Variants in LARP6 observed in about 807,000 individuals in gnomAD.
LARP6 encodes La ribonucleoprotein 6, translational regulator.
Under a neutral mutation model 32.8 loss-of-function variants are expected in LARP6, and 18 were observed. The ratio of observed to expected loss-of-function variants is 0.55; its 90% CI spans 0.38 to 0.81. LARP6 has a LOEUF of 0.81. Among genes scored for constraint, LARP6 ranks in the 40% least tolerant of loss-of-function variants. LARP6 has a pLI of 0.00. For synonymous variants in LARP6, 289 were observed against 267.2 expected, an observed-to-expected ratio of 1.08 and a Z score of -0.80; for missense variants, 598 against 663.1, an observed-to-expected ratio of 0.90 and a Z score of 1.08.
chr15:70,851,415 T>C, intron 1 of LARP6: 1 of 1,192,338 alleles, frequency 8.4e-7, no homozygotes, highest in Non-Finnish European at 1.1e-6. Flanking sequence ...TGTGGGGAGA[T>C]GATCAATAAC....
intron 1 of LARP6, among the ~76,000 whole-genome samples, chr15:70,843,409 C>T (rs2141054822): frequency 6.6e-6 from 1 of 152,282 alleles, no homozygotes. Context: ...TTCCACCTTT[C>T]CTCCCTAGAG....
chr15:70,832,225 T>G lies in LARP6; in HGVS notation c.1303A>C (p.Arg435=), dbSNP rs766045440. The change falls in exon 3 of 3, where the codon AGG becomes CGG. Residue 435 remains arginine, a synonymous_variant. Transcript: ENST00000299213. ...VTPSGSPWVR[R]RRQAEMGTQE... is the part of the protein sequence containing the mutation. ...GTCCCCATCTCGGCTTGGCGACGCC[T>G]CCGGACCCAGGGGCTGCCAGAGGGA... 79 of 1,614,118 alleles carry G rather than the reference T, an allele frequency of 4.9e-5. No homozygotes were observed. The Middle Eastern group carries it at 6.6e-4, about 13-fold the overall frequency.
chr15:70,840,357 T>C (rs2032230157), intron 1 of LARP6, among the ~76,000 whole-genome samples: 1 of 152,084 alleles, frequency 6.6e-6, no homozygotes. Flanking sequence ...CTGGCCAACA[T>C]GGTGAAACCC....
intron 1 of LARP6, among the ~76,000 whole-genome samples, chr15:70,839,952 T>C (rs1202266618): frequency 6.6e-6 from 1 of 152,188 alleles, no homozygotes; most frequent in Non-Finnish European, 1.5e-5. Flanking sequence ...TTATTGGCCC[T>C]GACATGATTG....
intron 1 of LARP6, chr15:70,853,216 C>G (rs550729356): frequency 9.7e-6 from 1 of 102,910 alleles, no homozygotes; most frequent in Admixed American, 8.9e-5. Flanking sequence ...CCAGGAACAC[C>G]CCCCCCCCGC....
At chr15:70,843,974 T>C (rs190109958) in intron 1 of LARP6, among the ~76,000 whole-genome samples, 2,369 of 149,524 alleles carry the variant, frequency 0.016, 67 homozygotes, top group African/African-American at 0.056. Flanking sequence ...TTTTTTTTTT[T>C]TTAAGACAGT....
At chr15:70,852,520 T>C (rs1300988676) in intron 1 of LARP6, among the ~76,000 whole-genome samples, 1 of 152,070 alleles carries the variant, frequency 6.6e-6, no homozygotes, top group Non-Finnish European at 1.5e-5. Context: ...CACAGGAAAA[T>C]AAAGTTATAA....
chr15:70,847,236 G>A (rs899192750), intron 1 of LARP6, among the ~76,000 whole-genome samples: 6 of 152,076 alleles, frequency 3.9e-5, no homozygotes, highest in Non-Finnish European at 7.4e-5. Context: ...GTTTTGCTTT[G>A]TTTTGTTTTT....
chr15:70,847,080 G>T (rs1350147419), intron 1 of LARP6, among the ~76,000 whole-genome samples: 3 of 152,162 alleles, frequency 2.0e-5, no homozygotes, highest in Non-Finnish European at 4.4e-5. Flanking sequence ...CATGTAATGG[G>T]AATTTAAAAA....
chr15:70,850,417 C>T (rs2032427267), intron 1 of LARP6, among the ~76,000 whole-genome samples: 2 of 152,180 alleles, frequency 1.3e-5, no homozygotes, highest in African/African-American at 2.4e-5. Context: ...GCCAATATCC[C>T]TGATGAACAT....
chr15:70,850,976 A>G (rs2032436999), intron 1 of LARP6, among the ~76,000 whole-genome samples: 1 of 152,212 alleles, frequency 6.6e-6, no homozygotes, highest in Non-Finnish European at 1.5e-5. Flanking sequence ...TAAGAAGCAA[A>G]TGCCTCAACC....
intron 1 of LARP6, among the ~76,000 whole-genome samples, chr15:70,840,139 G>C (rs569502560): frequency 2.6e-5 from 4 of 152,214 alleles, no homozygotes; most frequent in African/African-American, 9.6e-5. Flanking sequence ...ACATGCCGAA[G>C]GGAAAACATC....
chr15:70,832,470 C>T lies in LARP6; in HGVS notation c.1058G>A (p.Arg353Gln), dbSNP rs1470794444. The T allele has an allele frequency of 5.8e-6, 9 of 1,549,468 alleles. No individual in the cohort carries two copies. Among genetic ancestry groups the T allele is most frequent in the South Asian group, 2.5e-5 (2 of 78,694 alleles). Residue 353 changes from arginine to glutamine, a missense_variant, in exon 3 of 3, where the codon CGA becomes CAA. Transcript: ENST00000299213. ...ESNPTSPMAG[R>Q]RHAATNKLSP... is the part of the protein sequence containing the mutation. The stretch of plus-strand genomic sequence containing the variant: ...GAGCTTGTTGGTGGCCGCGTGCCGT[C>T]GGCCCGCCATAGGGGATGTGGGGTT...
intron 1 of LARP6, among the ~76,000 whole-genome samples, chr15:70,838,525 C>G (rs541613811): frequency 2.0e-5 from 3 of 152,124 alleles, no homozygotes; most frequent in Non-Finnish European, 2.9e-5. Flanking sequence ...AATCCCATCA[C>G]GGGGTCTCTT....
intron 1 of LARP6, among the ~76,000 whole-genome samples, chr15:70,845,211 T>G: frequency 6.6e-6 from 1 of 152,150 alleles, no homozygotes; most frequent in South Asian, 2.1e-4. Context: ...TTATTCAGAT[T>G]TCCTTAGTTT....
chr15:70,851,831 G>T, intron 1 of LARP6: 1 of 1,543,730 alleles, frequency 6.5e-7, no homozygotes, highest in Non-Finnish European at 8.8e-7. Flanking sequence ...CTCTGGGGTG[G>T]GGATTGGGGG....
intron 1 of LARP6, 136 bp downstream of exon 1, chr15:70,853,753 G>C: frequency 1.7e-6 from 1 of 602,864 alleles, no homozygotes; most frequent in Non-Finnish European, 2.4e-6. Flanking sequence ...GGCTCGGCCC[G>C]GAGCTGCTTC....
chr15:70,836,109 A>C (rs2032142112), intron 2 of LARP6, among the ~76,000 whole-genome samples, 186 bp downstream of exon 2: 2 of 152,166 alleles, frequency 1.3e-5, no homozygotes, highest in South Asian at 4.1e-4. Flanking sequence ...CCCTTTTAAT[A>C]GTGTGGGAGT....
At chr15:70,835,886 C>T (rs1567020564) in intron 2 of LARP6, among the ~76,000 whole-genome samples, 3 of 152,186 alleles carry the variant, frequency 2.0e-5, no homozygotes, top group Admixed American at 6.5e-5. Context: ...TGCTCATTCT[C>T]TCCCTTTGCT....
Sources: allele counts gnomAD v4.1 joint callset (sites outside exome capture counted in the v4.1 genomes callset), GRCh38; gene constraint gnomAD v4.1.1; transcripts MANE v1.5; gene names NCBI Gene and HGNC (gene_info 2026-07-23, HGNC 2026-07-21).